The following RERG variants were observed in gnomAD, a reference collection of about 807,000 sequenced individuals.
RERG encodes RAS like estrogen regulated growth inhibitor, also known as ras-related and estrogen-regulated growth inhibitor.
A neutral mutation model predicts 23.2 loss-of-function variants in RERG; 25 were observed. The observed-to-expected ratio is 1.08, with a 90% CI of 0.79 to 1.50. The LOEUF (loss-of-function observed/expected upper bound fraction) is 1.50, where lower values mean the gene tolerates loss of function less well. Among genes scored for constraint, RERG ranks in the 40% most tolerant of loss-of-function variants. The pLI is 0.00. For missense variants in RERG, 253 were observed against 250.1 expected (o/e 1.01, Z -0.08); for synonymous variants, 81 against 89.1 (o/e 0.91, Z 0.51).
chr12:15,217,795 G>C, intron 1 of RERG, 192 bp from the exon 2 acceptor site: 1 of 271,600 alleles, frequency 3.7e-6, no homozygotes, highest in Non-Finnish European at 7.0e-6. Flanking sequence ...TCAGGACTTG[G>C]ATTTGGATCT....
intron 2 of RERG, among the ~76,000 whole-genome samples, chr12:15,155,015 GA>G (rs1864501542): frequency 6.6e-6 from 1 of 152,030 alleles, no homozygotes; most frequent in Non-Finnish European, 1.5e-5. Flanking sequence ...ACTTGGAAAA[GA>G]AACCAGTGTA....
chr12:15,136,137 C>T (rs992022982), intron 2 of RERG, among the ~76,000 whole-genome samples: 1 of 151,868 alleles, frequency 6.6e-6, no homozygotes, highest in Non-Finnish European at 1.5e-5. Context: ...TTGTGTCTTT[C>T]AGGGAATTTG....
chr12:15,137,842 C>G (rs557559317), intron 2 of RERG: 1 of 430,610 alleles, frequency 2.3e-6, no homozygotes, highest in East Asian at 7.3e-5. Flanking sequence ...TTAAAATTAC[C>G]TTTTTCTGTA....
chr12:15,113,827 A>G (rs1863668744), intron 3 of RERG, among the ~76,000 whole-genome samples: 1 of 152,068 alleles, frequency 6.6e-6, no homozygotes, highest in Non-Finnish European at 1.5e-5. Flanking sequence ...AATTTAATGC[A>G]ATTCAAATGA....
chr12:15,210,160 A>G (rs1185515808), intron 2 of RERG, among the ~76,000 whole-genome samples: 1 of 152,184 alleles, frequency 6.6e-6, no homozygotes, highest in African/African-American at 2.4e-5. Context: ...CCCCAAACCC[A>G]TAAGTTGGAG....
At chr12:15,153,180 T>A (rs755334160) in intron 2 of RERG, among the ~76,000 whole-genome samples, 9 of 152,206 alleles carry the variant, frequency 5.9e-5, no homozygotes, top group Admixed American at 1.3e-4. Flanking sequence ...TTCCAGCTTT[T>A]CCATAGAGTC....
chr12:15,194,230 T>C (rs958488862), intron 2 of RERG, among the ~76,000 whole-genome samples: 4 of 152,108 alleles, frequency 2.6e-5, no homozygotes, highest in African/African-American at 9.7e-5. Context: ...GCGCTCTAAA[T>C]AACAAACACT....
At chr12:15,110,749 A>G (rs1225869412) in intron 4 of RERG, among the ~76,000 whole-genome samples, 1 of 152,038 alleles carries the variant, frequency 6.6e-6, no homozygotes, top group Non-Finnish European at 1.5e-5. Flanking sequence ...AAGTGCTGGG[A>G]TTACAGGTGT....
At chr12:15,192,958 CT>C (rs1025173149) in intron 2 of RERG, among the ~76,000 whole-genome samples, 1 of 152,124 alleles carries the variant, frequency 6.6e-6, no homozygotes, top group African/African-American at 2.4e-5. Flanking sequence ...CTATGCTAAC[CT>C]TTAGTATTGC....
chr12:15,197,133 T>C (rs1260133944), intron 2 of RERG, among the ~76,000 whole-genome samples: 1 of 152,198 alleles, frequency 6.6e-6, no homozygotes, highest in Non-Finnish European at 1.5e-5. Context: ...GCAACTAGAA[T>C]ATGTCAGACA....
intron 2 of RERG, among the ~76,000 whole-genome samples, chr12:15,161,174 G>GAAAGAAAGAAAGAAAGA: frequency 7.3e-6 from 1 of 137,300 alleles, no homozygotes; most frequent in African/African-American, 2.7e-5. Flanking sequence ...AAGAAAGAAA[G>GAAAGAAAGAAAGAAAGA]AAAGAAAGAA....
chr12:15,155,606 G>A (rs927957286), intron 2 of RERG, among the ~76,000 whole-genome samples: 1 of 152,154 alleles, frequency 6.6e-6, no homozygotes, highest in African/African-American at 2.4e-5. Flanking sequence ...GGTTGGGATT[G>A]GGGGACTCCT....
intron 2 of RERG, among the ~76,000 whole-genome samples, chr12:15,179,515 T>A (rs1864895784): frequency 6.6e-6 from 1 of 152,200 alleles, no homozygotes. Flanking sequence ...AATGTATAAT[T>A]TTTGTGAATT....
intron 2 of RERG, among the ~76,000 whole-genome samples, chr12:15,163,277 G>A (rs1444362616): frequency 2.6e-5 from 4 of 152,174 alleles, no homozygotes; most frequent in African/African-American, 9.6e-5. Context: ...AAGAGATGAA[G>A]ATTAAAATTG....
intron 2 of RERG, among the ~76,000 whole-genome samples, chr12:15,195,371 T>C (rs1290942767): frequency 6.6e-6 from 1 of 152,138 alleles, no homozygotes; most frequent in African/African-American, 2.4e-5. Flanking sequence ...GGGTGCCTGA[T>C]TAGGGAACGA....
At chr12:15,160,714 C>A (rs570871299) in intron 2 of RERG, among the ~76,000 whole-genome samples, 13 of 152,278 alleles carry the variant, frequency 8.5e-5, no homozygotes, top group South Asian at 4.1e-4. Flanking sequence ...TGCTGGAAGT[C>A]AAGAATTAAC....
intron 3 of RERG, among the ~76,000 whole-genome samples, chr12:15,116,716 C>T (rs1366541072): frequency 6.6e-6 from 1 of 151,976 alleles, no homozygotes; most frequent in African/African-American, 2.4e-5. Flanking sequence ...AAGTGTTGTG[C>T]ATCTACGTGC....
At chr12:15,184,917 T>C (rs954476671) in intron 2 of RERG, among the ~76,000 whole-genome samples, 1 of 152,158 alleles carries the variant, frequency 6.6e-6, no homozygotes, top group African/African-American at 2.4e-5. Context: ...TGTAATTTTA[T>C]TTTCCCTTAA....
intron 2 of RERG, among the ~76,000 whole-genome samples, chr12:15,208,907 C>G (rs1345398086): frequency 6.6e-6 from 1 of 151,864 alleles, no homozygotes; most frequent in Non-Finnish European, 1.5e-5. Flanking sequence ...TGTCCTAAAC[C>G]CTCCTCTCCT....
Sources: gnomAD v4.1 joint callset for allele counts (sites outside exome capture counted in the v4.1 genomes callset) on GRCh38, gnomAD v4.1.1 for gene constraint, MANE v1.5 for transcripts, NCBI Gene and HGNC (gene_info 2026-07-23, HGNC 2026-07-21) for gene names.